The following SCN10A variants were observed in gnomAD, a reference collection of about 807,000 sequenced individuals.
SCN10A encodes the protein sodium channel protein type 10 subunit alpha.
Under a neutral mutation model 170.7 loss-of-function variants are expected in SCN10A, and 162 were observed. The observed-to-expected ratio is 0.95, with a 90% CI of 0.84 to 1.08. The LOEUF is 1.08. Ranked by LOEUF, SCN10A falls within the 50% of genes least tolerant of loss-of-function variation. The pLI is 0.00. For synonymous variants in SCN10A, 985 were observed against 904.6 expected (o/e 1.09, Z -1.59); for missense variants, 2,527 against 2,436.9 (o/e 1.04, Z -0.78).
At chr3:38,765,102 G>A (rs896568360) in intron 5 of SCN10A, among the ~76,000 whole-genome samples, 1 of 152,082 alleles carries the variant, frequency 6.6e-6, no homozygotes. Flanking sequence ...TATAGATGCT[G>A]GATATTAGTC....
rs1437301970 is a variant in SCN10A at position 38,709,749 on chromosome 3, G to A, written c.4144-134C>T. 3 of 760,860 alleles carry A rather than the reference G, an allele frequency of 3.9e-6. No homozygotes were observed. The East Asian group carries it at 8.6e-5, about 22-fold the overall frequency. 47.1% of individuals were successfully genotyped at this position (760,860 alleles called of 1,614,324 possible). Reference sequence around the variant, plus strand: ...GGTGATCCAAGGAAGCAGGAATGAGGGAGTGGGGAAGAATAAGCGGGAATG... The same window carrying A: ...GGTGATCCAAGGAAGCAGGAATGAGAGAGTGGGGAAGAATAAGCGGGAATG... On this transcript the variant is annotated intron_variant, in intron 24 of 27. Coordinates refer to ENST00000449082, the MANE Select transcript of SCN10A (RefSeq NM_006514.4).
intron 3 of SCN10A, among the ~76,000 whole-genome samples, chr3:38,789,505 A>G (rs147344305): frequency 1.4e-4 from 21 of 152,304 alleles, no homozygotes; most frequent in Admixed American, 6.5e-4. Context: ...TAAAAGACAA[A>G]GAAAAGTTAG....
chr3:38,706,004 T>A (rs2063206803), intron 26 of SCN10A, among the ~76,000 whole-genome samples: 2 of 152,196 alleles, frequency 1.3e-5, no homozygotes, highest in Admixed American at 1.3e-4. Context: ...TTGCTCAGGT[T>A]CACTCAAATC....
At chr3:38,704,531 G>T (rs2063189707) in intron 26 of SCN10A, among the ~76,000 whole-genome samples, 1 of 152,198 alleles carries the variant, frequency 6.6e-6, no homozygotes, top group Non-Finnish European at 1.5e-5. Context: ...AACCCTTGGT[G>T]CTCTCAGAGA....
At chr3:38,742,233 AT>A in intron 14 of SCN10A, 57 bp downstream of exon 14, 1 of 944,100 alleles carries the variant, frequency 1.1e-6, no homozygotes. Flanking sequence ...GCACCCTGCC[AT>A]CATCCCCACC....
intron 4 of SCN10A, among the ~76,000 whole-genome samples, chr3:38,786,420 A>G (rs1016071611): frequency 2.0e-5 from 3 of 151,938 alleles, no homozygotes; most frequent in African/African-American, 7.3e-5. Flanking sequence ...TAGGTGGGAG[A>G]TGAACAATGA....
At chr3:38,722,195 C>A in intron 20 of SCN10A, 63 bp downstream of exon 20, 1 of 1,509,344 alleles carries the variant, frequency 6.6e-7, no homozygotes. Context: ...AGCTCCAGGG[C>A]CTTTGGATTG....
intron 17 of SCN10A, among the ~76,000 whole-genome samples, chr3:38,725,642 C>T (rs769253996): frequency 2.6e-5 from 4 of 152,204 alleles, no homozygotes; most frequent in Admixed American, 6.5e-5. Flanking sequence ...AATATGTTAG[C>T]GCTTGTAAAA....
At chr3:38,810,877 AT>A (rs1290374092) in intron 1 of SCN10A, among the ~76,000 whole-genome samples, 8 of 152,346 alleles carry the variant, frequency 5.3e-5, no homozygotes, top group Admixed American at 5.2e-4. Flanking sequence ...ACTGTTTCAG[AT>A]TTTTCAAAAT....
intron 15 of SCN10A, among the ~76,000 whole-genome samples, chr3:38,731,732 C>T (rs2063514995): frequency 6.6e-6 from 1 of 152,178 alleles, no homozygotes; most frequent in African/African-American, 2.4e-5. Context: ...ACTAACTCCC[C>T]CCAGATTTGC....
Position 38,728,884 on chromosome 3 carries a change from C to T in SCN10A, c.2298G>A (p.Leu766=), listed in dbSNP as rs866313113. 1 of 1,609,812 alleles carries T rather than the reference C, an allele frequency of 6.2e-7. No individual in the cohort carries two copies. Among genetic ancestry groups the T allele is most frequent in the Admixed American group, 1.7e-5 (1 of 59,886 alleles). The change falls in exon 16 of 28, where the codon CTG becomes CTA. Residue 766 remains leucine (L), a synonymous_variant. Coordinates refer to ENST00000449082, the MANE Select transcript of SCN10A (RefSeq NM_006514.4). ...TGTTTAAGGTGGGCCAGGATTTGGC[C>T]AGCTTGAATACGCGCAGCTGCAGAG... is the stretch of plus-strand genomic sequence containing the variant. ...RSFRLLRVFK[L]AKSWPTLNTL...
At chr3:38,811,363 G>A (rs1325515467) in intron 1 of SCN10A, among the ~76,000 whole-genome samples, 1 of 151,006 alleles carries the variant, frequency 6.6e-6, no homozygotes, top group Non-Finnish European at 1.5e-5. Context: ...TGAGGCAGGA[G>A]AATTGCTTGA....
At chr3:38,706,496 T>C (rs2063212547) in intron 26 of SCN10A, among the ~76,000 whole-genome samples, 1 of 152,216 alleles carries the variant, frequency 6.6e-6, no homozygotes, top group Non-Finnish European at 1.5e-5. Flanking sequence ...AGAAATTCTT[T>C]GAAGACGATC....
chr3:38,737,887 CTT>C (rs1232899754), intron 15 of SCN10A, among the ~76,000 whole-genome samples: 4 of 138,094 alleles, frequency 2.9e-5, no homozygotes, highest in Admixed American at 2.3e-4. Flanking sequence ...TGCTCTCTCT[CTT>C]TCTTTCATCT....
At position 38,697,612 on chromosome 3, in the gene SCN10A, A is replaced by G. The variant is rs1366699415; in HGVS notation, c.5608T>C (p.Ser1870Pro). ...CATGGGGTGTTAGAGAGTGCCATGG[A>G]GCGGTGCAGCACATAGCTCCGATAG... ...KAYRSYVLHR[S>P]MALSNTPCVP... Residue 1870 changes from serine to proline, a missense_variant, in exon 28 of 28, where the codon TCC (serine) becomes CCC (proline). By Grantham distance (74) the Ser-to-Pro change is moderately conservative. Coordinates refer to ENST00000449082, the MANE Select transcript of SCN10A (RefSeq NM_006514.4). 6.2e-7 allele frequency: 1 copy of G among 1,614,154 alleles called. No homozygotes were observed. Among genetic ancestry groups the G allele is most frequent in the Non-Finnish European group, 8.5e-7 (1 of 1,180,026 alleles).
intron 25 of SCN10A, among the ~76,000 whole-genome samples, chr3:38,707,629 T>C (rs2063224826): frequency 6.6e-6 from 1 of 152,096 alleles, no homozygotes; most frequent in Non-Finnish European, 1.5e-5. Context: ...GATCCAGAGA[T>C]GCTGGATAAA....
chr3:38,756,902 G>C (rs749963613), intron 9 of SCN10A, 31 bp from the exon 10 acceptor site: 5 of 1,612,172 alleles, frequency 3.1e-6, no homozygotes, highest in Non-Finnish European at 3.4e-6. Context: ...AGAGAAACCT[G>C]TACCCATAGC....
rs754159937 is a variant in SCN10A at position 38,697,530 on chromosome 3, A to T, written c.5690T>A (p.Phe1897Tyr). 22 of 1,614,180 alleles carry T rather than the reference A, an allele frequency of 1.4e-5. No homozygotes were observed. Among genetic ancestry groups the T allele is most frequent in the Non-Finnish European group, 1.7e-5 (20 of 1,180,034 alleles). ...ASLPDEGFVA[F>Y]TANENCVLPD... ...GAGTACACAATTTTCATTTGCTGTG[A>T]ATGCAACAAAACCTTCATCTGGGAG... The change falls in exon 28 of 28, where the codon TTC becomes TAC. Residue 1897 changes from phenylalanine to tyrosine, a missense_variant. By Grantham distance (22) the Phe-to-Tyr change is conservative. Transcript: ENST00000449082.
intron 23 of SCN10A, among the ~76,000 whole-genome samples, chr3:38,711,765 T>A (rs924281988): frequency 4.6e-5 from 7 of 152,264 alleles, no homozygotes; most frequent in African/African-American, 1.7e-4. Context: ...ACTGTCATTA[T>A]CACCAACATT....
Sources: allele counts gnomAD v4.1 joint callset (sites outside exome capture counted in the v4.1 genomes callset), GRCh38; gene constraint gnomAD v4.1.1; transcripts MANE v1.5; gene names NCBI Gene and HGNC (gene_info 2026-07-23, HGNC 2026-07-21).